Variants in RBPJ observed in about 807,000 individuals in gnomAD.
The protein encoded by RBPJ is recombination signal binding protein for immunoglobulin kappa J region.
A neutral mutation model predicts 67.8 loss-of-function variants in RBPJ; 9 were observed. The ratio of observed to expected loss-of-function variants is 0.13; its 90% CI spans 0.08 to 0.23. The LOEUF (loss-of-function observed/expected upper bound fraction) is 0.23, where lower values mean the gene tolerates loss of function less well. RBPJ is among the 10% of genes least tolerant of loss of function. The pLI is 1.00. For missense variants in RBPJ, 305 were observed against 595.6 expected (o/e 0.51, Z 5.08); for synonymous variants, 198 against 203.3 (o/e 0.97, Z 0.22).
intron 1 of RBPJ, among the ~76,000 whole-genome samples, chr4:26,201,281 T>A (rs1450309677): frequency 1.3e-5 from 2 of 152,224 alleles, no homozygotes; most frequent in African/African-American, 4.8e-5. Context: ...ACTTGTGGTA[T>A]AATTAGGATG....
intron 1 of RBPJ, among the ~76,000 whole-genome samples, chr4:26,322,517 G>C (rs1299524819): frequency 6.6e-6 from 1 of 152,164 alleles, no homozygotes; most frequent in South Asian, 2.1e-4. Flanking sequence ...CTGTAGATGC[G>C]TGACAACCCT....
chr4:26,364,533 T>C (rs988657722), intron 1 of RBPJ, among the ~76,000 whole-genome samples: 3 of 152,068 alleles, frequency 2.0e-5, no homozygotes, highest in African/African-American at 7.3e-5. Flanking sequence ...CCATTTGTTT[T>C]GTTTTAACTC....
chr4:26,415,771 G>A, intron 4 of RBPJ, 131 bp downstream of exon 4: 2 of 869,678 alleles, frequency 2.3e-6, no homozygotes, highest in African/African-American at 1.7e-5. Flanking sequence ...ATATAAACTA[G>A]GACCAAAAAA....
At chr4:26,281,998 C>T (rs913509724) in intron 1 of RBPJ, among the ~76,000 whole-genome samples, 1 of 152,172 alleles carries the variant, frequency 6.6e-6, no homozygotes, top group Non-Finnish European at 1.5e-5. Context: ...AGACCAGGGG[C>T]AACTTCCCCT....
chr4:26,389,298 C>T (rs1238012140), intron 2 of RBPJ, among the ~76,000 whole-genome samples: 1 of 149,524 alleles, frequency 6.7e-6, no homozygotes, highest in Non-Finnish European at 1.5e-5. Context: ...TGATTAAAGT[C>T]AGTGATAAAG....
intron 1 of RBPJ, among the ~76,000 whole-genome samples, chr4:26,326,639 A>G (rs1402779369): frequency 6.6e-6 from 1 of 151,410 alleles, no homozygotes; most frequent in African/African-American, 2.4e-5. Flanking sequence ...AAAATAGGGG[A>G]TGATAATTAT....
At chr4:26,410,231 T>C in intron 3 of RBPJ, 1 of 216,392 alleles carries the variant, frequency 4.6e-6, no homozygotes, top group East Asian at 1.4e-4. Context: ...AGGCGTGAGG[T>C]TACCTGGGGG....
intron 1 of RBPJ, among the ~76,000 whole-genome samples, chr4:26,294,012 C>G (rs1252049060): frequency 6.6e-6 from 1 of 152,184 alleles, no homozygotes; most frequent in Non-Finnish European, 1.5e-5. Flanking sequence ...CTCACCTCAA[C>G]CTCCCAAAGT....
chr4:26,109,425 C>CTCTCT, the RBPJ span, among the ~76,000 whole-genome samples: 4 of 22,914 alleles, frequency 1.7e-4, 1 homozygote, highest in East Asian at 1.6e-3. Flanking sequence ...TCTCTCTCTC[C>CTCTCT]CTCTCTCTCT....
At position 26,293,135 on chromosome 4, in the gene RBPJ, C is replaced by T. The variant is rs151046726; in HGVS notation, c.-166-69311C>T. ...GCCACACTCTGAAGGGGCTCTTAGG[C>T]CAGTTGGGGTCCTTCTACTGCATAA... On this transcript the variant is annotated intron_variant, in intron 1 of 4. Transcript: ENST00000512351. 3.1e-3 allele frequency among the ~76,000 whole-genome samples: 460 copies of T among 150,138 alleles called. 13 individuals are homozygous for T. The highest frequency in any genetic ancestry group is 0.011 in the African/African-American group (441 of 40,806).
chr4:26,146,265 A>G, the RBPJ span, among the ~76,000 whole-genome samples: 1 of 152,206 alleles, frequency 6.6e-6, no homozygotes, highest in East Asian at 1.9e-4. Flanking sequence ...CTGATTTTCA[A>G]CAAAAGTGCC....
In RBPJ at chr4:26,206,751, CAAAAAAAA is replaced by C. The variant is rs34568281; in HGVS notation, c.-167+43149_-167+43156del. 2.3e-5 allele frequency among the ~76,000 whole-genome samples: 3 copies of C among 130,958 alleles called. No individual in the cohort carries two copies. In the Admixed American group the frequency reaches 2.4e-4, roughly 10 times the overall value. 85.9% of individuals were successfully genotyped at this position (130,958 alleles called of 152,430 possible). ...TAAAAACGAAAGGCTTTCATACCCTCAAAAAAAAAAAAAAAAAAATCCTGGCCAGTTTT... is the reference window on the plus strand; with the variant it reads ...TAAAAACGAAAGGCTTTCATACCCTCAAAAAAAAAAATCCTGGCCAGTTTT... On this transcript the variant is annotated intron_variant, in intron 1 of 4. Coordinates refer to the RBPJ transcript ENST00000512351.
intron 1 of RBPJ, among the ~76,000 whole-genome samples, chr4:26,344,453 T>C (rs919128894): frequency 2.6e-5 from 4 of 151,444 alleles, no homozygotes; most frequent in African/African-American, 9.7e-5. Flanking sequence ...GCCAGGATGG[T>C]CTGGATCTCC....
chr4:26,311,185 T>G (rs1368302702), intron 1 of RBPJ, among the ~76,000 whole-genome samples: 1 of 152,084 alleles, frequency 6.6e-6, no homozygotes, highest in Non-Finnish European at 1.5e-5. Flanking sequence ...GTGAAGAAAC[T>G]GAGGCACTGA....
At chr4:26,214,537 G>A (rs1306418474) in intron 1 of RBPJ, among the ~76,000 whole-genome samples, 14 of 9,124 alleles carry the variant, frequency 1.5e-3, no homozygotes, top group African/African-American at 7.3e-3. Flanking sequence ...AGGAGGAAGG[G>A]AGGGAGGGAG....
upstream of RBPJ, chr4:26,320,804 T>C: frequency 6.4e-7 from 1 of 1,556,942 alleles, no homozygotes; most frequent in African/African-American, 1.4e-5. Flanking sequence ...CTGCGCATGC[T>C]CCATCGCCTG....
At chr4:26,397,303 G>A (rs1732220793) in intron 2 of RBPJ, among the ~76,000 whole-genome samples, 1 of 152,098 alleles carries the variant, frequency 6.6e-6, no homozygotes, top group South Asian at 2.1e-4. Flanking sequence ...AAGGTTTTGT[G>A]GGGGTGCGTA....
At chr4:26,282,924 C>CTTTTTTTT (rs67501530) in intron 1 of RBPJ, among the ~76,000 whole-genome samples, 3 of 61,646 alleles carry the variant, frequency 4.9e-5, no homozygotes, top group East Asian at 5.5e-4. Context: ...AGTGTAGATT[C>CTTTTTTTT]TTTTTTTTTT....
the RBPJ span, among the ~76,000 whole-genome samples, chr4:26,120,205 G>A: frequency 7.2e-5 from 11 of 152,310 alleles, no homozygotes; most frequent in African/African-American, 2.4e-4. Flanking sequence ...AACAACAAAA[G>A]CAAAGGCACC....
Sources: allele counts gnomAD v4.1 joint callset (sites outside exome capture counted in the v4.1 genomes callset), GRCh38; gene constraint gnomAD v4.1.1; transcripts MANE v1.5; gene names NCBI Gene and HGNC (gene_info 2026-07-23, HGNC 2026-07-21).